DMD: variants seen among roughly 807,000 people sequenced by gnomAD.
The protein encoded by DMD is dystrophin, also known as mutant dystrophin.
Under a neutral mutation model 330.1 loss-of-function variants are expected in DMD, and 63 were observed. The observed-to-expected ratio is 0.19, with a 90% CI of 0.16 to 0.24. DMD has a LOEUF of 0.24. Among genes scored for constraint, DMD ranks in the 10% least tolerant of loss-of-function variants. The pLI is 1.00. For synonymous variants in DMD, 1,223 were observed against 959.8 expected (o/e 1.27, Z -5.07); for missense variants, 3,344 against 2,684.1 (o/e 1.25, Z -5.43).
chrX:32,910,515 G>A (rs766997228), intron 2 of DMD, among the ~76,000 whole-genome samples: 1 of 110,580 alleles, frequency 9.0e-6, no homozygotes, highest in South Asian at 3.9e-4. Context: ...TGCAACCTCC[G>A]CCTCCCAATT....
intron 2 of DMD, among the ~76,000 whole-genome samples, chrX:32,992,842 G>C (rs7060820): frequency 0.063 from 6,350 of 101,500 alleles, 392 homozygotes; most frequent in African/African-American, 0.18. Flanking sequence ...GGAGGCAGAG[G>C]TTGCAGTGAG....
chrX:33,160,371 G>A (rs1306684919), intron 1 of DMD, among the ~76,000 whole-genome samples: 1 of 111,493 alleles, frequency 9.0e-6, no homozygotes, highest in East Asian at 2.8e-4. Context: ...AGCCTAGTCA[G>A]GGACACTGCC....
intron 44 of DMD, among the ~76,000 whole-genome samples, chrX:32,191,152 T>C (rs1175921070): frequency 9.0e-6 from 1 of 111,695 alleles, no homozygotes; most frequent in Non-Finnish European, 1.9e-5. Context: ...AGTTCTGATA[T>C]TTAGATGGCT....
At chrX:31,317,570 T>A (rs1258153069) in intron 62 of DMD, among the ~76,000 whole-genome samples, 1 of 103,995 alleles carries the variant, frequency 9.6e-6, no homozygotes, top group Non-Finnish European at 2.0e-5. Flanking sequence ...TGGAGTGCAG[T>A]GGCGCGATCT....
intron 43 of DMD, among the ~76,000 whole-genome samples, chrX:32,242,938 G>C (rs1346647354): frequency 1.0e-5 from 1 of 98,060 alleles, no homozygotes; most frequent in South Asian, 4.5e-4. Context: ...GAACGCAAAG[G>C]AAAAGGAAAA....
At chrX:31,202,147 T>C (rs906750769) in intron 67 of DMD, among the ~76,000 whole-genome samples, 1 of 110,866 alleles carries the variant, frequency 9.0e-6, no homozygotes, top group African/African-American at 3.3e-5. Context: ...GATCGCGCCA[T>C]TGCACTCCAG....
intron 44 of DMD, among the ~76,000 whole-genome samples, chrX:32,072,828 G>A (rs73217602): frequency 1.8e-5 from 2 of 111,283 alleles, no homozygotes; most frequent in Non-Finnish European, 3.8e-5. Context: ...TTAACATCTA[G>A]TTTTATTTTC....
chrX:32,955,497 C>T (rs2091521299), intron 2 of DMD, among the ~76,000 whole-genome samples: 1 of 111,318 alleles, frequency 9.0e-6, no homozygotes, highest in Admixed American at 9.6e-5. Context: ...TGTCTGCTCA[C>T]TCTGTTGATA....
intron 62 of DMD, among the ~76,000 whole-genome samples, chrX:31,284,608 T>TTCTTCTTCTTCTTC (rs1331247957): frequency 1.1e-4 from 3 of 28,067 alleles, no homozygotes; most frequent in Non-Finnish European, 1.7e-4. Context: ...TCTTCTTCTT[T>TTCTTCTTCTTCTTC]TTTTTGGCAG....
chrX:32,120,155 C>T (rs933276814), intron 44 of DMD, among the ~76,000 whole-genome samples: 5 of 112,289 alleles, frequency 4.5e-5, no homozygotes, highest in African/African-American at 1.6e-4. Flanking sequence ...ATTTTCCCTT[C>T]GACTTTATGC....
intron 4 of DMD, among the ~76,000 whole-genome samples, chrX:32,831,126 A>G (rs2079116333): frequency 9.1e-6 from 1 of 110,371 alleles, no homozygotes; most frequent in African/African-American, 3.3e-5. Context: ...ACTTCCAGGT[A>G]CTCTACCTCC....
intron 44 of DMD, among the ~76,000 whole-genome samples, chrX:32,194,631 C>T (rs193186717): frequency 1.8e-5 from 2 of 110,673 alleles, no homozygotes; most frequent in Admixed American, 9.8e-5. Context: ...TCATGTGATA[C>T]GTAAATGGAA....
chrX:31,433,056 C>T (rs982574790), intron 60 of DMD, among the ~76,000 whole-genome samples: 3 of 111,803 alleles, frequency 2.7e-5, no homozygotes, highest in African/African-American at 9.8e-5. Flanking sequence ...GTCCCACACC[C>T]TCCTGCCCTT....
At chrX:31,938,725 A>G (rs2094955192) in intron 45 of DMD, among the ~76,000 whole-genome samples, 2 of 111,862 alleles carry the variant, frequency 1.8e-5, no homozygotes, top group Admixed American at 1.9e-4. Context: ...ATAACAGAAT[A>G]CAGTTTTATG....
At chrX:32,087,776 C>T (rs928642392) in intron 44 of DMD, among the ~76,000 whole-genome samples, 11 of 112,254 alleles carry the variant, frequency 9.8e-5, no homozygotes, top group African/African-American at 2.9e-4. Flanking sequence ...TAGGAATTCA[C>T]GAGCATAAAG....
At chrX:32,691,941 G>A (rs1292871790) in intron 9 of DMD, among the ~76,000 whole-genome samples, 1 of 111,361 alleles carries the variant, frequency 9.0e-6, no homozygotes, top group Non-Finnish European at 1.9e-5. Flanking sequence ...ACTTATAAGA[G>A]GTATGTAAAA....
At chrX:31,528,854 G>GGCA (rs2073451149) in intron 55 of DMD, among the ~76,000 whole-genome samples, 1 of 111,114 alleles carries the variant, frequency 9.0e-6, no homozygotes, top group African/African-American at 3.3e-5. Context: ...CACAGGGTCA[G>GGCA]GCACACTGGC....
At chrX:31,794,510 A>G (rs1211428045) in intron 50 of DMD, among the ~76,000 whole-genome samples, 2 of 111,980 alleles carry the variant, frequency 1.8e-5, no homozygotes, top group African/African-American at 6.5e-5. Context: ...CCTCTGATCT[A>G]GCTATTTCAT....
chrX:31,950,040 G>A (rs1402575661), intron 45 of DMD, among the ~76,000 whole-genome samples: 1 of 108,963 alleles, frequency 9.2e-6, no homozygotes, highest in African/African-American at 3.3e-5. Context: ...TGCTTCCTTC[G>A]AGCTTACTGT....
Sources: gnomAD v4.1 joint callset for allele counts (sites outside exome capture counted in the v4.1 genomes callset) on GRCh38, gnomAD v4.1.1 for gene constraint, MANE v1.5 for transcripts, NCBI Gene and HGNC (gene_info 2026-07-23, HGNC 2026-07-21) for gene names.